ADGRL3: variants seen among roughly 807,000 people sequenced by gnomAD.
ADGRL3 encodes the protein calcium-independent alpha-latrotoxin receptor 3.
A neutral mutation model predicts 153.5 loss-of-function variants in ADGRL3; 62 were observed. That is an observed-to-expected ratio of 0.40 (90% CI 0.33 to 0.50). ADGRL3 has a LOEUF of 0.50. Ranked by LOEUF, ADGRL3 falls within the 20% of genes least tolerant of loss-of-function variation. The pLI is 0.47. For synonymous variants in ADGRL3, 710 were observed against 672.5 expected, an observed-to-expected ratio of 1.06 and a Z score of -0.86; for missense variants, 1,641 against 1,859.4, an observed-to-expected ratio of 0.88 and a Z score of 2.16.
At chr4:62,044,831 T>C (rs573883454) in intron 25 of ADGRL3, among the ~76,000 whole-genome samples, 7 of 152,068 alleles carry the variant, frequency 4.6e-5, no homozygotes, top group African/African-American at 1.4e-4. Context: ...TCAGGCCTCA[T>C]TGGAAGCAGT....
intron 8 of ADGRL3, among the ~76,000 whole-genome samples, chr4:61,745,620 G>A (rs949165344): frequency 1.3e-5 from 2 of 152,132 alleles, no homozygotes. Flanking sequence ...AGCTTCATAA[G>A]TGAAGGAGAA....
At chr4:61,674,149 G>A (rs17081927) in intron 5 of ADGRL3, among the ~76,000 whole-genome samples, 1,061 of 9,040 alleles carry the variant, frequency 0.12, 17 homozygotes, top group African/African-American at 0.34. Flanking sequence ...TGCATTTTTA[G>A]ATAGATAGAT....
chr4:61,863,231 CTTTTTT>C (rs1189171329), intron 9 of ADGRL3, among the ~76,000 whole-genome samples: 58 of 80,908 alleles, frequency 7.2e-4, no homozygotes, highest in African/African-American at 2.4e-3. Context: ...GGGCATCATT[CTTTTTT>C]TTTTTTTTTT....
At chr4:61,462,739 T>C (rs1461585378) in intron 2 of ADGRL3, among the ~76,000 whole-genome samples, 1 of 152,166 alleles carries the variant, frequency 6.6e-6, no homozygotes, top group East Asian at 1.9e-4. Context: ...TGGCCAAGTA[T>C]ATTGGGCAAT....
At chr4:61,661,530 ATAT>A (rs574512112) in intron 5 of ADGRL3, among the ~76,000 whole-genome samples, 65 of 152,250 alleles carry the variant, frequency 4.3e-4, no homozygotes, top group African/African-American at 1.5e-3. Context: ...ATTCATACAA[ATAT>A]TATTATTTTC....
chr4:61,728,701 C>A lies in ADGRL3; in HGVS notation c.584-1921C>A, dbSNP rs117519819. ...TGCTATCTAAGGCTATTTCAAGGAA[C>A]CAAATTAGTTCTGAAAACTTCTTTG... On this transcript the variant is annotated intron_variant, in intron 6 of 26. Transcript: ENST00000683033. 5.9e-4 allele frequency among the ~76,000 whole-genome samples: 90 copies of A among 152,112 alleles called. 1 individual carries two copies. The East Asian group carries it at 0.016, about 27-fold the overall frequency.
At chr4:61,450,305 A>T (rs1435662349) in intron 2 of ADGRL3, among the ~76,000 whole-genome samples, 1 of 152,228 alleles carries the variant, frequency 6.6e-6, no homozygotes, top group African/African-American at 2.4e-5. Context: ...CTAGTAGAAT[A>T]TGTACTATTA....
At chr4:61,381,945 A>G (rs1013616995) in intron 1 of ADGRL3, among the ~76,000 whole-genome samples, 1 of 152,020 alleles carries the variant, frequency 6.6e-6, no homozygotes, top group Non-Finnish European at 1.5e-5. Context: ...TCCAAAAGAT[A>G]CAGTGAGTTT....
intron 3 of ADGRL3, among the ~76,000 whole-genome samples, chr4:61,503,412 T>C (rs934936742): frequency 2.0e-5 from 3 of 152,104 alleles, no homozygotes; most frequent in Non-Finnish European, 4.4e-5. Flanking sequence ...CTGACTTCTG[T>C]AGGGTTGTTG....
chr4:61,593,460 T>C (rs1014703487), intron 5 of ADGRL3, among the ~76,000 whole-genome samples: 1 of 152,254 alleles, frequency 6.6e-6, no homozygotes, highest in East Asian at 1.9e-4. Context: ...GAACTCCCTT[T>C]AGCATTACCT....
chr4:61,258,475 C>A (rs2092209931), intron 1 of ADGRL3, among the ~76,000 whole-genome samples: 2 of 152,142 alleles, frequency 1.3e-5, no homozygotes, highest in African/African-American at 4.8e-5. Context: ...GAAATGTTGC[C>A]TTCCTGATTC....
At chr4:61,897,636 A>G (rs983072914) in intron 11 of ADGRL3, among the ~76,000 whole-genome samples, 2 of 151,992 alleles carry the variant, frequency 1.3e-5, no homozygotes, top group Admixed American at 6.6e-5. Context: ...TTACCACAAA[A>G]CTCTAACACT....
chr4:61,359,145 T>G (rs1253937268), intron 1 of ADGRL3, among the ~76,000 whole-genome samples: 2 of 152,214 alleles, frequency 1.3e-5, no homozygotes, highest in East Asian at 3.9e-4. Flanking sequence ...TTATGTACAT[T>G]GAGATATTAC....
intron 9 of ADGRL3, among the ~76,000 whole-genome samples, chr4:61,841,928 G>T (rs184244877): frequency 1.3e-3 from 194 of 152,278 alleles, no homozygotes; most frequent in African/African-American, 4.5e-3. Context: ...CCGAAATTTG[G>T]CTTTAGCTGT....
At chr4:61,619,364 T>C (rs1215554167) in intron 5 of ADGRL3, among the ~76,000 whole-genome samples, 1 of 152,202 alleles carries the variant, frequency 6.6e-6, no homozygotes, top group East Asian at 1.9e-4. Flanking sequence ...TTATCAACTC[T>C]GTTAAGAAAT....
chr4:61,614,056 G>C (rs1238624230), intron 5 of ADGRL3, among the ~76,000 whole-genome samples: 2 of 151,970 alleles, frequency 1.3e-5, no homozygotes, highest in Non-Finnish European at 2.9e-5. Context: ...TTGAAAAATA[G>C]TATTTTTACA....
chr4:61,838,715 A>G (rs929922097), intron 9 of ADGRL3, among the ~76,000 whole-genome samples: 1 of 152,194 alleles, frequency 6.6e-6, no homozygotes, highest in Non-Finnish European at 1.5e-5. Context: ...TCCGGTTGAA[A>G]GTAAAAATGG....
chr4:61,200,333 C>T lies in ADGRL3; in HGVS notation c.-1672C>T, dbSNP rs910587825. Among the ~76,000 whole-genome samples the T allele has an allele frequency of 1.3e-5, 2 of 151,840 alleles. No individual in the cohort carries two copies. The highest frequency in any genetic ancestry group is 2.9e-5 in the Non-Finnish European group (2 of 67,964). ...CCCGCCCGACCGCTGCTCATTCTGG[C>T]CTCCGCTCCGGCCCCGGCTGCGCCT... On this transcript the variant is annotated 5_prime_UTR_variant, in exon 1 of 27. Coordinates refer to ENST00000683033, the MANE Select transcript of ADGRL3 (RefSeq NM_001387552.1).
chr4:62,022,723 A>G (rs1302774018), intron 21 of ADGRL3, among the ~76,000 whole-genome samples: 1 of 152,046 alleles, frequency 6.6e-6, no homozygotes, highest in Admixed American at 6.6e-5. Flanking sequence ...CAAAGCCTGC[A>G]TGACAGCACA....
Sources: allele counts gnomAD v4.1 joint callset (sites outside exome capture counted in the v4.1 genomes callset), GRCh38; gene constraint gnomAD v4.1.1; transcripts MANE v1.5; gene names NCBI Gene and HGNC (gene_info 2026-07-23, HGNC 2026-07-21).